The following PIEZO2 variants were observed in gnomAD, a reference collection of about 807,000 sequenced individuals.
The protein encoded by PIEZO2 is piezo-type mechanosensitive ion channel component 2.
In PIEZO2, 172 loss-of-function variants were observed where a neutral mutation model predicts 337.3. That is an observed-to-expected ratio of 0.51 (90% CI 0.45 to 0.58). The LOEUF is 0.58. PIEZO2 is among the 20% of genes least tolerant of loss of function. PIEZO2 has a pLI of 0.00. For missense variants in PIEZO2, 3,028 were observed against 3,391.3 expected (o/e 0.89, Z 2.66); for synonymous variants, 1,251 against 1,228.5 (o/e 1.02, Z -0.38).
intron 1 of PIEZO2, among the ~76,000 whole-genome samples, chr18:11,098,987 T>C (rs1297472430): frequency 6.9e-6 from 1 of 145,704 alleles, no homozygotes; most frequent in Non-Finnish European, 1.5e-5. Context: ...TTTTTTTTTG[T>C]AGAGATGGAG....
intron 4 of PIEZO2, among the ~76,000 whole-genome samples, chr18:10,881,344 T>C (rs1395617070): frequency 6.6e-6 from 1 of 152,170 alleles, no homozygotes; most frequent in Non-Finnish European, 1.5e-5. Flanking sequence ...TAATTTCCAT[T>C]TGGAACACAC....
chr18:10,741,059 C>A lies in PIEZO2; in HGVS notation c.4680G>T (p.Trp1560Cys). Residue 1560 changes from tryptophan to cysteine, a missense_variant, in exon 33 of 56, where the codon TGG becomes TGT. By Grantham distance (215) the Trp-to-Cys change is radical. Coordinates refer to ENST00000674853, the MANE Select transcript of PIEZO2 (RefSeq NM_001378183.1). ...KQKAKGKKKQ[W>C]WRPWVDHASM... The stretch of plus-strand genomic sequence containing the variant: ...AAGCATGATCAACCCAAGGCCGCCA[C>A]CACTGCTTTTTTTTGCCCTTGGCTT... 1 of 1,537,180 alleles carries A rather than the reference C, an allele frequency of 6.5e-7. No homozygotes were observed. Among genetic ancestry groups the A allele is most frequent in the Non-Finnish European group, 8.7e-7 (1 of 1,146,894 alleles).
chr18:11,123,144 T>C (rs773888973), intron 1 of PIEZO2, among the ~76,000 whole-genome samples: 1 of 152,158 alleles, frequency 6.6e-6, no homozygotes, highest in Non-Finnish European at 1.5e-5. Context: ...GAGAAAAGCA[T>C]GTCCCAACAG....
At chr18:10,992,222 C>T (rs906831124) in intron 2 of PIEZO2, among the ~76,000 whole-genome samples, 8 of 152,212 alleles carry the variant, frequency 5.3e-5, no homozygotes, top group Non-Finnish European at 8.8e-5. Context: ...TGTGCAGGAG[C>T]TCTTCAGTTT....
intron 8 of PIEZO2, among the ~76,000 whole-genome samples, chr18:10,805,445 G>A (rs1448185393): frequency 6.6e-6 from 1 of 152,176 alleles, no homozygotes; most frequent in Non-Finnish European, 1.5e-5. Context: ...GAACCCAGGA[G>A]GCAGAGGTTG....
At chr18:10,718,148 C>A (rs898372072) in intron 37 of PIEZO2, 52 bp downstream of exon 37, 5 of 1,420,290 alleles carry the variant, frequency 3.5e-6, no homozygotes, top group African/African-American at 2.8e-5. Flanking sequence ...ACGATCTGGG[C>A]AGGTATCATT....
intron 7 of PIEZO2, among the ~76,000 whole-genome samples, chr18:10,839,375 A>G (rs1396371685): frequency 3.3e-5 from 5 of 152,208 alleles, no homozygotes; most frequent in Non-Finnish European, 7.3e-5. Flanking sequence ...GTTGGGTTCT[A>G]CCTGCAGTGG....
At chr18:10,681,140 C>T (rs1416573847) in intron 51 of PIEZO2, among the ~76,000 whole-genome samples, 1 of 152,134 alleles carries the variant, frequency 6.6e-6, no homozygotes. Context: ...CTTTGGACAA[C>T]ATGGCACGTA....
chr18:10,932,005 A>G (rs1202902781), intron 3 of PIEZO2, among the ~76,000 whole-genome samples: 1 of 152,218 alleles, frequency 6.6e-6, no homozygotes, highest in Non-Finnish European at 1.5e-5. Flanking sequence ...AGATCAAGAC[A>G]TAGTGAAAGA....
chr18:10,963,292 AAAAG>A (rs1181218176), intron 3 of PIEZO2, among the ~76,000 whole-genome samples: 1 of 152,114 alleles, frequency 6.6e-6, no homozygotes, highest in African/African-American at 2.4e-5. Context: ...TCAAAAAAAA[AAAAG>A]AAAGAAATAT....
chr18:10,678,933 C>CTTT (rs552952913), intron 52 of PIEZO2, among the ~76,000 whole-genome samples: 3 of 128,544 alleles, frequency 2.3e-5, no homozygotes, highest in South Asian at 2.5e-4. Flanking sequence ...GCTGCAATTT[C>CTTT]TTTTTTTTTT....
At chr18:10,788,042 G>A (rs916774828) in intron 15 of PIEZO2, among the ~76,000 whole-genome samples, 2 of 152,230 alleles carry the variant, frequency 1.3e-5, no homozygotes, top group South Asian at 2.1e-4. Flanking sequence ...AAATGCAAAA[G>A]TATACCTAGG....
chr18:11,108,056 A>G (rs73400563), intron 1 of PIEZO2, among the ~76,000 whole-genome samples: 7,275 of 152,262 alleles, frequency 0.048, 546 homozygotes, highest in African/African-American at 0.16. Context: ...TTATAATATT[A>G]ACTCAATACA....
At chr18:11,030,625 T>C (rs746347067) in intron 2 of PIEZO2, among the ~76,000 whole-genome samples, 1 of 152,114 alleles carries the variant, frequency 6.6e-6, no homozygotes, top group Non-Finnish European at 1.5e-5. Flanking sequence ...TGGCTCGTGC[T>C]CCAGCGAAGA....
rs565374225 is a variant in PIEZO2, at chr18:10,859,097, C to A, written c.493-1886G>T. 6.6e-6 allele frequency among the ~76,000 whole-genome samples: 1 copy of A among 152,256 alleles called. No individual in the cohort carries two copies. Among genetic ancestry groups the A allele is most frequent in the Non-Finnish European group, 1.5e-5 (1 of 68,024 alleles). On this transcript the variant is annotated intron_variant, in intron 5 of 55. Coordinates refer to ENST00000674853, the MANE Select transcript of PIEZO2 (RefSeq NM_001378183.1). The surrounding 1 kb of genome is among the most constrained non-coding windows in gnomAD (Gnocchi z 4.9). ...AATAGGGTGATGTGGTAGTGATAAA[C>A]TGGGTGGCTGTTTCCGATTCAGAGG...
Position 10,762,988 on chromosome 18 carries a change from G to T in PIEZO2, c.3057C>A (p.Ile1019=). ...GGAGCTGGTACAACATTTTGCAGAC[G>T]ATGATCACACACGTCCAGACTGTGC... is the stretch of plus-strand genomic sequence containing the variant. ...SVCTVWTCVI[I]VCKMLYQLQT... Residue 1019 remains isoleucine, a synonymous_variant, in exon 22 of 56, where the codon ATC becomes ATA. Transcript: ENST00000674853. The T allele has an allele frequency of 6.5e-7, 1 of 1,537,298 alleles. No homozygotes were observed.
intron 5 of PIEZO2, 66 bp from the exon 6 acceptor site, chr18:10,857,277 G>A: frequency 7.3e-7 from 1 of 1,370,464 alleles, no homozygotes; most frequent in Non-Finnish European, 1.0e-6. Context: ...GCAGATTATA[G>A]AGCTTCTAAT....
intron 44 of PIEZO2, 124 bp downstream of exon 44, chr18:10,698,801 C>G: frequency 1.6e-6 from 2 of 1,279,250 alleles, no homozygotes; most frequent in Non-Finnish European, 2.1e-6. Flanking sequence ...CCTTTCTTTT[C>G]ACATAACAAT....
At position 11,013,886 on chromosome 18, in the gene PIEZO2, C is replaced by T. The variant is rs145418470; in HGVS notation, c.161-34226G>A. 1.2e-3 allele frequency among the ~76,000 whole-genome samples: 177 copies of T among 152,322 alleles called. 2 individuals carry two copies. In the East Asian group the frequency reaches 0.013, roughly 11 times the overall value. ...CTAATTCTTAAACGTGTCATTTCTC[C>T]TAAAGTAGAGGTCGTTCAAATACAT... On this transcript the variant is annotated intron_variant, in intron 2 of 55. Transcript: ENST00000674853.
Sources: gnomAD v4.1 joint callset for allele counts (sites outside exome capture counted in the v4.1 genomes callset) on GRCh38, gnomAD v4.1.1 for gene constraint, Gnocchi (gnomAD v3.1) non-coding constraint, MANE v1.5 for transcripts, NCBI Gene and HGNC (gene_info 2026-07-23, HGNC 2026-07-21) for gene names.